ARK2C: variants seen among roughly 807,000 people sequenced by gnomAD.
ARK2C encodes E3 ubiquitin-protein ligase ARK2C.
the ARK2C span, among the ~76,000 whole-genome samples, chr18:46,341,785 T>C: frequency 1.2e-4 from 19 of 152,214 alleles, no homozygotes; most frequent in African/African-American, 4.6e-4. Context: ...TCTTACAATA[T>C]GAACTCCTCC....
At chr18:46,403,336 C>T in the ARK2C span, among the ~76,000 whole-genome samples, 2 of 152,192 alleles carry the variant, frequency 1.3e-5, no homozygotes, top group Non-Finnish European at 2.9e-5. Flanking sequence ...GCACAGAAGC[C>T]TGTGCTGTGC....
At chr18:46,369,653 C>A in the ARK2C span, among the ~76,000 whole-genome samples, 16 of 152,266 alleles carry the variant, frequency 1.1e-4, no homozygotes, top group Admixed American at 9.8e-4. Flanking sequence ...GGTGGGGGCA[C>A]TTTTCTAGCC....
chr18:46,412,485 T>A, the ARK2C span, among the ~76,000 whole-genome samples: 1 of 152,224 alleles, frequency 6.6e-6, no homozygotes, highest in Non-Finnish European at 1.5e-5. Context: ...TCCTGCCAAA[T>A]GTCCTGCTAG....
the ARK2C span, chr18:46,336,657 A>C: frequency 1.0e-6 from 1 of 985,432 alleles, no homozygotes. Context: ...GATGTAGGCC[A>C]TTTCAGAATA....
At chr18:46,350,435 G>A in the ARK2C span, among the ~76,000 whole-genome samples, 244 of 152,304 alleles carry the variant, frequency 1.6e-3, 1 homozygote, top group Middle Eastern at 6.8e-3. Context: ...GGATGGAAGC[G>A]TGAGGTCCAT....
the ARK2C span, among the ~76,000 whole-genome samples, chr18:46,381,816 G>A: frequency 6.8e-6 from 1 of 148,076 alleles, no homozygotes; most frequent in South Asian, 2.2e-4. Context: ...GGGTGACAGA[G>A]CGAGACCCTG....
the ARK2C span, among the ~76,000 whole-genome samples, chr18:46,435,033 C>A: frequency 6.6e-6 from 1 of 152,142 alleles, no homozygotes; most frequent in Non-Finnish European, 1.5e-5. Context: ...CACAGACACA[C>A]CAAGGGAGAG....
the ARK2C span, among the ~76,000 whole-genome samples, chr18:46,436,437 A>T: frequency 6.6e-6 from 1 of 152,170 alleles, no homozygotes; most frequent in Non-Finnish European, 1.5e-5. Context: ...TTAGGTCAAA[A>T]ATATTTTGTT....
the ARK2C span, among the ~76,000 whole-genome samples, chr18:46,407,592 G>A: frequency 2.4e-4 from 37 of 152,216 alleles, no homozygotes; most frequent in African/African-American, 8.9e-4. Flanking sequence ...TGAAGTTGGA[G>A]GCTAATCCCT....
chr18:46,337,805 C>CTTT, the ARK2C span, among the ~76,000 whole-genome samples: 1 of 132,582 alleles, frequency 7.5e-6, no homozygotes, highest in Non-Finnish European at 1.6e-5. Flanking sequence ...TTTTACTTTA[C>CTTT]TTTTTTTTTT....
the ARK2C span, among the ~76,000 whole-genome samples, chr18:46,432,750 G>A: frequency 6.6e-6 from 1 of 152,278 alleles, no homozygotes; most frequent in South Asian, 2.1e-4. Context: ...GAGGTCAAGA[G>A]ATCGAGACCA....
At chr18:46,450,717 T>C in the ARK2C span, 1 of 1,613,878 alleles carries the variant, frequency 6.2e-7, no homozygotes, top group Non-Finnish European at 8.5e-7. Context: ...CTGCTGCAGC[T>C]CGAGGACAGG....
the ARK2C span, among the ~76,000 whole-genome samples, chr18:46,437,024 C>T: frequency 6.6e-6 from 1 of 151,844 alleles, no homozygotes; most frequent in Non-Finnish European, 1.5e-5. Context: ...GCCCTGTCCT[C>T]AGCTTTCTTT....
the ARK2C span, among the ~76,000 whole-genome samples, chr18:46,378,093 A>G: frequency 6.6e-6 from 1 of 152,054 alleles, no homozygotes; most frequent in African/African-American, 2.4e-5. Context: ...TGGCCCTGAG[A>G]TTTGCATTTG....
the ARK2C span, among the ~76,000 whole-genome samples, chr18:46,360,114 C>T: frequency 2.0e-5 from 3 of 152,172 alleles, no homozygotes; most frequent in Non-Finnish European, 2.9e-5. Context: ...CATCACAAGT[C>T]CATGCAATGG....
chr18:46,410,929 C>T, the ARK2C span, among the ~76,000 whole-genome samples: 1 of 152,228 alleles, frequency 6.6e-6, no homozygotes, highest in Non-Finnish European at 1.5e-5. Flanking sequence ...CAGACATCTC[C>T]TGGGCACCAG....
the ARK2C span, chr18:46,334,339 T>C: frequency 6.3e-7 from 1 of 1,583,694 alleles, no homozygotes; most frequent in East Asian, 2.4e-5. The surrounding 1 kb of genome is among the most constrained non-coding windows in gnomAD (Gnocchi z 4.4). Context: ...AACAGAGGTA[T>C]CGCTTTTTCC....
chr18:46,343,029 C>T, the ARK2C span, among the ~76,000 whole-genome samples: 1 of 152,338 alleles, frequency 6.6e-6, no homozygotes, highest in Non-Finnish European at 1.5e-5. Context: ...TTAATGGCTA[C>T]ATAATATTCC....
chr18:46,435,177 G>T, the ARK2C span: 1 of 784,032 alleles, frequency 1.3e-6, no homozygotes, highest in South Asian at 1.5e-5. Context: ...TGGGTGCTAA[G>T]TGGGGCTGCA....
Sources: gnomAD v4.1 joint callset for allele counts (sites outside exome capture counted in the v4.1 genomes callset) on GRCh38, gnomAD v4.1.1 for gene constraint, Gnocchi (gnomAD v3.1) non-coding constraint, MANE v1.5 for transcripts, NCBI Gene and HGNC (gene_info 2026-07-23, HGNC 2026-07-21) for gene names.